The following SPACA7 variants were observed in gnomAD, a reference collection of about 807,000 sequenced individuals.
The protein encoded by SPACA7 is sperm acrosome associated 7, also known as sperm acrosome-associated protein 7.
A neutral mutation model predicts 26.3 loss-of-function variants in SPACA7; 19 were observed. The ratio of observed to expected loss-of-function variants is 0.72; its 90% CI spans 0.50 to 1.06. The LOEUF (loss-of-function observed/expected upper bound fraction) is 1.06, where lower values mean the gene tolerates loss of function less well. Among genes scored for constraint, SPACA7 ranks in the 50% least tolerant of loss-of-function variants. The pLI is 0.00. For synonymous variants in SPACA7, 84 were observed against 84.5 expected (o/e 0.99, Z 0.04); for missense variants, 211 against 229.9 (o/e 0.92, Z 0.53).
chr13:112,415,518 T>C (rs1283925022), intron 5 of SPACA7, among the ~76,000 whole-genome samples: 5 of 152,096 alleles, frequency 3.3e-5, no homozygotes, highest in Admixed American at 2.6e-4. Flanking sequence ...TTCTTCCCAG[T>C]GTGGTTTTGC....
chr13:112,414,388 C>CTTTTTTTTTTTTTTTTTTTTTTT lies in SPACA7; in HGVS notation c.445+13242_445+13264dup, dbSNP rs869183760. ...AAGTTTCTGAATGGCTTTTCTGTGT[C>CTTTTTTTTTTTTTTTTTTTTTTT]TTTTTTTTTTTTTTTTTTTTTTTTT... On this transcript the variant is annotated intron_variant, in intron 5 of 6. Coordinates refer to ENST00000283550, the MANE Select transcript of SPACA7 (RefSeq NM_145248.5). 1.9e-4 allele frequency among the ~76,000 whole-genome samples: 6 copies of CTTTTTTTTTTTTTTTTTTTTTTT among 31,396 alleles called. 2 individuals are homozygous for CTTTTTTTTTTTTTTTTTTTTTTT. The highest frequency in any genetic ancestry group is 2.4e-3 in the East Asian group (2 of 820). The allele number at this position is 31,396 out of a possible 152,430, so 20.6% of individuals were successfully genotyped here.
chr13:112,415,614 T>C (rs1204693932), intron 5 of SPACA7, among the ~76,000 whole-genome samples: 1 of 152,066 alleles, frequency 6.6e-6, no homozygotes, highest in Non-Finnish European at 1.5e-5. Flanking sequence ...CACTCTAAGC[T>C]ACAGTGCCTG....
In SPACA7 at chr13:112,432,660, C is replaced by T. The variant is rs975754601; in HGVS notation, c.523+139C>T. 7 of 645,558 alleles carry T rather than the reference C, an allele frequency of 1.1e-5. No individual in the cohort carries two copies. The Admixed American group carries it at 1.4e-4, about 13-fold the overall frequency. The allele number at this position is 645,558 out of a possible 1,614,324, so 40.0% of individuals were successfully genotyped here. ...TGGACCTACCTGAGCTCCACAGGAG[C>T]CCCTGTCCAACCGTTGATGTGTGGA... On this transcript the variant is annotated intron_variant, in intron 6 of 6. Coordinates refer to ENST00000283550, the MANE Select transcript of SPACA7 (RefSeq NM_145248.5).
intron 1 of SPACA7, chr13:112,378,857 C>T: frequency 2.4e-6 from 1 of 412,192 alleles, no homozygotes; most frequent in Admixed American, 2.8e-5. Context: ...CCAATGTTTC[C>T]AATCGTGTCC....
chr13:112,385,686 A>G (rs1274085480), intron 1 of SPACA7, among the ~76,000 whole-genome samples: 1 of 152,218 alleles, frequency 6.6e-6, no homozygotes, highest in Admixed American at 6.5e-5. Flanking sequence ...CATTTTTAAA[A>G]TATTTTATTT....
chr13:112,380,539 T>C (rs1245823359), intron 1 of SPACA7, among the ~76,000 whole-genome samples: 2 of 152,126 alleles, frequency 1.3e-5, no homozygotes, highest in African/African-American at 4.8e-5. Context: ...AATCTTATAA[T>C]AAAATTCATT....
intron 4 of SPACA7, among the ~76,000 whole-genome samples, chr13:112,400,017 C>T (rs1447037038): frequency 4.6e-5 from 7 of 152,156 alleles, no homozygotes; most frequent in Admixed American, 2.6e-4. Context: ...CAATCATCTC[C>T]CACCAGGTCC....
chr13:112,403,528 A>C (rs1213058037), intron 5 of SPACA7, among the ~76,000 whole-genome samples: 1 of 152,070 alleles, frequency 6.6e-6, no homozygotes, highest in Non-Finnish European at 1.5e-5. Flanking sequence ...CCATCATCCG[A>C]ACAGTACACA....
At chr13:112,411,681 A>G (rs768064052) in intron 5 of SPACA7, among the ~76,000 whole-genome samples, 7 of 152,142 alleles carry the variant, frequency 4.6e-5, no homozygotes, top group Non-Finnish European at 1.0e-4. Context: ...CATATGAGTG[A>G]GAGCATGTGA....
intron 1 of SPACA7, among the ~76,000 whole-genome samples, chr13:112,387,977 A>C (rs1295490913): frequency 6.6e-6 from 1 of 152,120 alleles, no homozygotes; most frequent in East Asian, 1.9e-4. Flanking sequence ...CAACCTCTGA[A>C]TGGTAATTCA....
At chr13:112,410,859 A>T (rs1566477243) in intron 5 of SPACA7, among the ~76,000 whole-genome samples, 1 of 152,212 alleles carries the variant, frequency 6.6e-6, no homozygotes, top group Non-Finnish European at 1.5e-5. Context: ...CCCTGTGTTC[A>T]TAGCATTATT....
chr13:112,428,719 ATGAT>A (rs1175967386), intron 5 of SPACA7, among the ~76,000 whole-genome samples: 1 of 152,222 alleles, frequency 6.6e-6, no homozygotes, highest in East Asian at 1.9e-4. Flanking sequence ...GTTATATGGC[ATGAT>A]TATTGTTAAA....
intron 5 of SPACA7, among the ~76,000 whole-genome samples, chr13:112,404,076 ATCACCATCTATTATTTTTT>A: frequency 6.6e-6 from 1 of 152,092 alleles, no homozygotes; most frequent in Non-Finnish European, 1.5e-5. Context: ...CCACATCCAC[ATCACCATCTATTATTTTTT>A]GATTTTTTGA....
At chr13:112,405,032 G>A (rs1885893260) in intron 5 of SPACA7, among the ~76,000 whole-genome samples, 1 of 142,258 alleles carries the variant, frequency 7.0e-6, no homozygotes. Context: ...GCCCAGGCAG[G>A]AGTGCAGTGG....
intron 5 of SPACA7, among the ~76,000 whole-genome samples, chr13:112,422,993 A>G (rs747634802): frequency 6.6e-6 from 1 of 152,232 alleles, no homozygotes; most frequent in Non-Finnish European, 1.5e-5. Context: ...AACATTACAT[A>G]TAGGAATGCT....
At chr13:112,416,289 T>TTTG (rs1555329209) in intron 5 of SPACA7, among the ~76,000 whole-genome samples, 10 of 99,758 alleles carry the variant, frequency 1.0e-4, no homozygotes, top group South Asian at 2.9e-4. Context: ...GTTGTTGTTG[T>TTTG]TTGTTGTTGT....
intron 5 of SPACA7, among the ~76,000 whole-genome samples, chr13:112,414,312 T>TG (rs199538765): frequency 6.6e-5 from 10 of 150,660 alleles, no homozygotes; most frequent in Non-Finnish European, 1.2e-4. Flanking sequence ...CCCCAGGATT[T>TG]ATTATTGTTA....
In SPACA7 at chr13:112,399,507, C is replaced by A. The variant is rs143512816; in HGVS notation, c.349+334C>A. Among the ~76,000 whole-genome samples the A allele has an allele frequency of 1.5e-3, 225 of 152,386 alleles. 3 individuals carry two copies. The highest frequency in any genetic ancestry group is 5.3e-3 in the African/African-American group (221 of 41,594). On this transcript the variant is annotated intron_variant, in intron 4 of 6. Coordinates refer to ENST00000283550, the MANE Select transcript of SPACA7 (RefSeq NM_145248.5). ...TCCCAAAGCTTCAGCTAAGTCACTTCTCCTTCACAGGGCAGGTGCAGAGAG... is the reference window on the plus strand; with the variant it reads ...TCCCAAAGCTTCAGCTAAGTCACTTATCCTTCACAGGGCAGGTGCAGAGAG...
chr13:112,376,819 A>T (rs1056913430), intron 1 of SPACA7, among the ~76,000 whole-genome samples: 9 of 152,060 alleles, frequency 5.9e-5, no homozygotes, highest in African/African-American at 2.2e-4. Flanking sequence ...CACACCACAT[A>T]CACACACTTT....
Sources: allele counts gnomAD v4.1 joint callset (sites outside exome capture counted in the v4.1 genomes callset), GRCh38; gene constraint gnomAD v4.1.1; transcripts MANE v1.5; gene names NCBI Gene and HGNC (gene_info 2026-07-23, HGNC 2026-07-21).